Variants in HDAC5 observed in about 807,000 individuals in gnomAD.
HDAC5 encodes the protein histone deacetylase 5.
Under a neutral mutation model 133.3 loss-of-function variants are expected in HDAC5, and 25 were observed. The observed-to-expected ratio is 0.19, with a 90% CI of 0.14 to 0.26. The LOEUF is 0.26. Among genes scored for constraint, HDAC5 ranks in the 10% least tolerant of loss-of-function variants. The pLI, the probability that HDAC5 is intolerant of heterozygous loss-of-function variation, is 1.00. For missense variants in HDAC5, 1,041 were observed against 1,460.5 expected (o/e 0.71, Z 4.68); for synonymous variants, 589 against 610.8 (o/e 0.96, Z 0.53).
intron 2 of HDAC5, chr17:44,111,564 C>T (rs559729981): frequency 4.7e-5 from 24 of 514,720 alleles, no homozygotes; most frequent in African/African-American, 4.0e-4. Flanking sequence ...CTCAAGCCTC[C>T]GTCTTTCTTC....
Position 44,117,410 on chromosome 17 carries a change from C to T in HDAC5, c.22+84G>A. 2 of 1,439,646 alleles carry T rather than the reference C, an allele frequency of 1.4e-6. No homozygotes were observed. The highest frequency in any genetic ancestry group is 2.0e-6 in the Non-Finnish European group (2 of 1,020,884). The allele number at this position is 1,439,646 out of a possible 1,614,324, so 89.2% of individuals were successfully genotyped here. ...CCCTTATAGCTCAGACAGTAAAGGT[C>T]AGCTGGCCTGGAAGGGAAACCCACA... is the stretch of plus-strand genomic sequence containing the variant. On this transcript the variant is annotated intron_variant, in intron 2 of 26. Coordinates refer to ENST00000682912, the MANE Select transcript of HDAC5 (RefSeq NM_005474.5). This position sits in a 1 kb window ranked among gnomAD's most constrained non-coding sequence, Gnocchi z 4.2.
In HDAC5 at chr17:44,117,544, G is replaced by T; in HGVS notation, c.-29C>A. 6.2e-7 allele frequency: 1 copy of T among 1,612,822 alleles called. No homozygotes were observed. Among genetic ancestry groups the T allele is most frequent in the Non-Finnish European group, 8.5e-7 (1 of 1,179,612 alleles). On this transcript the variant is annotated 5_prime_UTR_variant, in exon 2 of 27. Transcript: ENST00000682912. The surrounding 1 kb of genome is among the most constrained non-coding windows in gnomAD (Gnocchi z 4.2). ...GGCTCTGGGCCTGCAGGAAGCTGGCGTTGGGGGCTGGGACGGGAGGGGGTG... is the reference window on the plus strand; with the variant it reads ...GGCTCTGGGCCTGCAGGAAGCTGGCTTTGGGGGCTGGGACGGGAGGGGGTG...
In HDAC5 at chr17:44,088,436, TGC is replaced by T; in HGVS notation, c.1548_1549del (p.His517ProfsTer33). On this transcript the variant is annotated frameshift_variant, in exon 12 of 27. Transcript: ENST00000682912. LOFTEE classifies it high-confidence loss of function. ...CTTCTGCTTCTCCAGGAACTGCTGG[TGC>T]TGTTGTTGCATGACCAGCTGCTGCA... 2 of 1,586,058 alleles carry T rather than the reference TGC, an allele frequency of 1.3e-6. No individual in the cohort carries two copies. The highest frequency in any genetic ancestry group is 1.1e-5 in the South Asian group (1 of 87,780).
In HDAC5 at chr17:44,078,366, G is replaced by A; in HGVS notation, c.*10C>T. ...CAATGGTGAAGCCCAGAGGGATGGG[G>A]GCCGGGGCGTCACAGGGCAGGCTCC... On this transcript the variant is annotated 3_prime_UTR_variant, in exon 27 of 27. Transcript: ENST00000682912. 6.6e-7 allele frequency: 1 copy of A among 1,524,436 alleles called. No homozygotes were observed. Among genetic ancestry groups the A allele is most frequent in the Non-Finnish European group, 8.8e-7 (1 of 1,139,110 alleles). The allele number at this position is 1,524,436 out of a possible 1,614,324, so 94.4% of individuals were successfully genotyped here.
At chr17:44,107,067 C>G (rs1567681690) in intron 3 of HDAC5, among the ~76,000 whole-genome samples, 1 of 152,154 alleles carries the variant, frequency 6.6e-6, no homozygotes, top group Non-Finnish European at 1.5e-5. Flanking sequence ...GCCTCAGCCT[C>G]CTGAGTAGCT....
intron 13 of HDAC5, among the ~76,000 whole-genome samples, chr17:44,086,970 C>T (rs1414233245): frequency 3.3e-5 from 1 of 29,918 alleles, no homozygotes; most frequent in African/African-American, 1.3e-4. Context: ...AGGTAAGAGG[C>T]TGGGAGGGGT....
chr17:44,110,632 G>A, intron 3 of HDAC5, 97 bp downstream of exon 3: 4 of 952,160 alleles, frequency 4.2e-6, no homozygotes, highest in Non-Finnish European at 5.0e-6. Flanking sequence ...ACAGATCTAT[G>A]CAGGACCCTA....
intron 11 of HDAC5, among the ~76,000 whole-genome samples, chr17:44,089,438 G>A (rs1033720505): frequency 3.3e-5 from 5 of 151,284 alleles, no homozygotes; most frequent in Admixed American, 1.3e-4. Flanking sequence ...GTGAAACCCC[G>A]TCTCTACTAA....
chr17:44,086,612 C>T lies in HDAC5; in HGVS notation c.2010G>A (p.Lys670=). 7.7e-7 allele frequency: 1 copy of T among 1,303,912 alleles called. No individual in the cohort carries two copies. Among genetic ancestry groups the T allele is most frequent in the Non-Finnish European group, 9.8e-7 (1 of 1,018,444 alleles). The allele number at this position is 1,303,912 out of a possible 1,614,324, so 80.8% of individuals were successfully genotyped here. The part of the protein sequence containing the change: ...QSSPAAPGGM[K]SPPDQPVKHL... The stretch of plus-strand genomic sequence containing the variant: ...GCTTGACGGGCTGGTCTGGGGGGCT[C>T]TTCATGCCCCCAGGGGCAGCAGGGG... Residue 670 remains lysine (K), a synonymous_variant, in exon 14 of 27, where the codon AAG becomes AAA. Coordinates refer to ENST00000682912, the MANE Select transcript of HDAC5 (RefSeq NM_005474.5).
Position 44,080,188 on chromosome 17 carries a change from C to T in HDAC5, c.2863G>A (p.Asp955Asn). Residue 955 changes from aspartate to asparagine, a missense_variant, in exon 23 of 27, where the codon GAT (aspartate) becomes AAT (asparagine). Transcript: ENST00000682912. The stretch of plus-strand genomic sequence containing the variant: ...AACCCGGCGGAGACTAGGACCACAT[C>T]AGGTGAGAACTCGTGGGCAATGGGC... ...VMPIAHEFSPDVVLVSAGFDA... is the reference protein window; with the variant it reads ...VMPIAHEFSPNVVLVSAGFDA... 6.2e-7 allele frequency: 1 copy of T among 1,614,166 alleles called. No individual in the cohort carries two copies. The highest frequency in any genetic ancestry group is 1.1e-5 in the South Asian group (1 of 91,086).
At chr17:44,096,631 G>A (rs1449092590) in intron 3 of HDAC5, among the ~76,000 whole-genome samples, 2 of 151,792 alleles carry the variant, frequency 1.3e-5, no homozygotes, top group African/African-American at 2.4e-5. Context: ...CCGCCACCAC[G>A]CTCAGCTAAT....
intron 2 of HDAC5, among the ~76,000 whole-genome samples, chr17:44,114,564 T>A (rs2052543531): frequency 6.6e-6 from 1 of 152,092 alleles, no homozygotes; most frequent in South Asian, 2.1e-4. Flanking sequence ...GGGAGAAGGA[T>A]CCTGGCCGCC....
At chr17:44,083,979 C>T in intron 16 of HDAC5, 125 bp from the exon 17 acceptor site, 1 of 758,114 alleles carries the variant, frequency 1.3e-6, no homozygotes, top group Non-Finnish European at 2.3e-6. Context: ...CAAAACTTAG[C>T]TGGGCGTGGT....
rs766366758 is a variant in HDAC5, at chr17:44,080,209, T to C, written c.2842A>G (p.Ile948Val). The C allele has an allele frequency of 4.3e-6, 7 of 1,614,040 alleles. No homozygotes were observed. Among genetic ancestry groups the C allele is most frequent in the East Asian group, 4.5e-5 (2 of 44,874 alleles). Residue 948 changes from isoleucine to valine, a missense_variant, in exon 23 of 27, where the codon ATT becomes GTT. By Grantham distance (29) the Ile-to-Val change is conservative (BLOSUM62 3). This residue lies in a region of HDAC5 where 174 missense variants were observed against 352.7 expected (regional missense o/e 0.49). Coordinates refer to ENST00000682912, the MANE Select transcript of HDAC5 (RefSeq NM_005474.5). ...LTAFRTVVMP[I>V]AHEFSPDVVL... ...ACATCAGGTGAGAACTCGTGGGCAA[T>C]GGGCATCACCACTGTCCTGCAAAGG... is the stretch of plus-strand genomic sequence containing the variant.
At chr17:44,104,087 G>A (rs562550942) in intron 3 of HDAC5, among the ~76,000 whole-genome samples, 3 of 151,782 alleles carry the variant, frequency 2.0e-5, no homozygotes, top group Non-Finnish European at 2.9e-5. Context: ...TTGGGACCCC[G>A]AGGTGGGCAG....
intron 23 of HDAC5, 146 bp from the exon 24 acceptor site, chr17:44,079,423 C>G: frequency 1.4e-6 from 1 of 695,184 alleles, no homozygotes. Flanking sequence ...GGGCAGATCA[C>G]AAGGTCAGGA....
chr17:44,091,403 C>T lies in HDAC5; in HGVS notation c.1254G>A (p.Met418Ile), dbSNP rs2050941115. 2 of 1,567,842 alleles carry T rather than the reference C, an allele frequency of 1.3e-6. No individual in the cohort carries two copies. The highest frequency in any genetic ancestry group is 1.8e-5 in the Admixed American group (1 of 55,228). Residue 418 changes from methionine (M) to isoleucine (I), a missense_variant, in exon 11 of 27, where the codon ATG (methionine) becomes ATA (isoleucine). Met to Ile is a conservative substitution (Grantham distance 10). This residue lies in a region of HDAC5 where 433 missense variants were observed against 531.6 expected (regional missense o/e 0.81). Coordinates refer to ENST00000682912, the MANE Select transcript of HDAC5 (RefSeq NM_005474.5). ...GGCAGCCAGGAATAGAGGATGTGCT[C>T]ATGAACTTGCCGGTCAGCGTGCCAC... ...RQGGTLTGKF[M>I]STSSIPGCLL... is the part of the protein sequence containing the mutation.
chr17:44,100,870 C>A (rs1264854321), intron 3 of HDAC5, among the ~76,000 whole-genome samples: 3 of 149,580 alleles, frequency 2.0e-5, no homozygotes, highest in Non-Finnish European at 3.0e-5. Flanking sequence ...CTCACTGCAA[C>A]CTCCGCCTTC....
intron 2 of HDAC5, chr17:44,115,953 G>T (rs1298134046): frequency 6.6e-6 from 1 of 152,254 alleles, no homozygotes; most frequent in African/African-American, 2.4e-5. Context: ...AGCTCCCACA[G>T]AGGTAGCTGC....
Sources: gnomAD v4.1 joint callset for allele counts (sites outside exome capture counted in the v4.1 genomes callset) on GRCh38, gnomAD v4.1.1 for gene constraint, gnomAD v4.1.1 regional missense constraint, Gnocchi (gnomAD v3.1) non-coding constraint, MANE v1.5 for transcripts, NCBI Gene and HGNC (gene_info 2026-07-23, HGNC 2026-07-21) for gene names.